Variants in UGGT1 observed in about 807,000 individuals in gnomAD.
UGGT1 encodes UDP-glucose:glycoprotein glucosyltransferase 1.
In UGGT1, 107 loss-of-function variants were observed where a neutral mutation model predicts 203.9. That is an observed-to-expected ratio of 0.52 (90% CI 0.45 to 0.62). The LOEUF (loss-of-function observed/expected upper bound fraction) is 0.62, where lower values mean the gene tolerates loss of function less well. Among genes scored for constraint, UGGT1 ranks in the 20% least tolerant of loss-of-function variants. UGGT1 has a pLI of 0.00. For missense variants in UGGT1, 1,673 were observed against 1,867.2 expected (o/e 0.90, Z 1.92); for synonymous variants, 628 against 653.5 (o/e 0.96, Z 0.59).
At chr2:128,146,374 A>C (rs1354391671) in intron 18 of UGGT1, among the ~76,000 whole-genome samples, 1 of 152,032 alleles carries the variant, frequency 6.6e-6, no homozygotes, top group African/African-American at 2.4e-5. Context: ...TGGTTTGCAA[A>C]CTCTTGGCAA....
intron 2 of UGGT1, among the ~76,000 whole-genome samples, chr2:128,101,718 G>A (rs1403958339): frequency 1.3e-5 from 2 of 152,154 alleles, no homozygotes; most frequent in African/African-American, 4.8e-5. Flanking sequence ...ATCTGAGGGT[G>A]GCTGTGTGGG....
chr2:128,120,309 G>C (rs371915431), intron 8 of UGGT1, 47 bp from the exon 9 acceptor site: 1 of 1,570,740 alleles, frequency 6.4e-7, no homozygotes, highest in Non-Finnish European at 8.7e-7. Flanking sequence ...CTTATGCTCC[G>C]GGAAAGAAAA....
rs1692260939 is a variant in UGGT1, at chr2:128,191,412, AAAC to A, written c.*1673_*1675del. Reference sequence around the variant, plus strand: ...TAATGAGTACAATGAAAACAAAACAAAACAAAAAATTAAGAAGAGGAAAGCTCA... The same window carrying A: ...TAATGAGTACAATGAAAACAAAACAAAAAAAATTAAGAAGAGGAAAGCTCA... On this transcript the variant is annotated 3_prime_UTR_variant, in exon 41 of 41. Coordinates refer to ENST00000259253, the MANE Select transcript of UGGT1 (RefSeq NM_020120.4). 1 of 152,230 alleles carries A rather than the reference AAAC, an allele frequency of 6.6e-6. No individual in the cohort carries two copies. The highest frequency in any genetic ancestry group is 2.4e-5 in the African/African-American group (1 of 41,458). The allele number at this position is 152,230 out of a possible 1,614,324, so 9.4% of individuals were successfully genotyped here.
At position 128,109,638 on chromosome 2, in the gene UGGT1, C is replaced by G. The variant is rs148193364; in HGVS notation, c.413C>G (p.Ala138Gly). 1.2e-6 allele frequency: 2 copies of G among 1,613,394 alleles called. No individual in the cohort carries two copies. The highest frequency in any genetic ancestry group is 1.7e-6 in the Non-Finnish European group (2 of 1,179,350). ...GTGTTGTGTCTTATGTGACAGATAG[C>G]AGCTGATGAACCTCCACCAGAAGGA... ...SATIQAFQQI[A>G]ADEPPPEGCN... Residue 138 changes from alanine (A) to glycine (G), a missense_variant, in exon 5 of 41, where the codon GCA becomes GGA. Physicochemically the swap from Ala to Gly is moderately conservative, Grantham distance 60 (BLOSUM62 0). This residue lies in a region of UGGT1 where 1,073 missense variants were observed against 1,078.7 expected (regional missense o/e 0.99). Transcript: ENST00000259253.
At chr2:128,156,327 T>A (rs541910693) in intron 20 of UGGT1, 65 bp from the exon 21 acceptor site, 1 of 1,265,198 alleles carries the variant, frequency 7.9e-7, no homozygotes, top group African/African-American at 1.5e-5. Flanking sequence ...TTTCAATTTT[T>A]ACAGTAGGCA....
intron 18 of UGGT1, among the ~76,000 whole-genome samples, chr2:128,150,098 A>T (rs896289754): frequency 6.6e-6 from 1 of 152,234 alleles, no homozygotes; most frequent in Non-Finnish European, 1.5e-5. Context: ...CATTGTCTTG[A>T]AAAATACCAA....
chr2:128,129,641 C>T (rs1688782945), intron 13 of UGGT1, among the ~76,000 whole-genome samples: 1 of 152,090 alleles, frequency 6.6e-6, no homozygotes. Context: ...TCAGGTGATA[C>T]ACCCACCTCT....
At chr2:128,119,863 AAAAC>A (rs1240643237) in intron 8 of UGGT1, among the ~76,000 whole-genome samples, 16 of 151,972 alleles carry the variant, frequency 1.1e-4, no homozygotes, top group South Asian at 2.1e-4. Context: ...AGAACAAAGG[AAAAC>A]AAACAAAAAA....
chr2:128,146,005 A>C (rs746592503), intron 18 of UGGT1, 38 bp downstream of exon 18: 1 of 1,611,586 alleles, frequency 6.2e-7, no homozygotes, highest in South Asian at 1.1e-5. Context: ...TAAAGAGAAC[A>C]GTTGGCTTAT....
intron 8 of UGGT1, among the ~76,000 whole-genome samples, chr2:128,119,437 G>GA (rs879873461): frequency 6.7e-4 from 92 of 136,638 alleles, no homozygotes; most frequent in Middle Eastern, 3.9e-3. Context: ...CTGTCTCAAA[G>GA]AAAAAAAAAA....
At position 128,173,337 on chromosome 2, in the gene UGGT1, T is replaced by C. The variant is rs571455058; in HGVS notation, c.3295-444T>C. ...GTTATGAATAATGCTGCTATGAATG[T>C]TGTGTGCAAGTTTTTCTACTGATAC... is the stretch of plus-strand genomic sequence containing the variant. On this transcript the variant is annotated intron_variant, in intron 29 of 40. Coordinates refer to ENST00000259253, the MANE Select transcript of UGGT1 (RefSeq NM_020120.4). 4.6e-5 allele frequency among the ~76,000 whole-genome samples: 7 copies of C among 152,372 alleles called. No individual in the cohort carries two copies. In the South Asian group the frequency reaches 1.4e-3, roughly 32 times the overall value.
At chr2:128,097,289 T>C in intron 1 of UGGT1, 140 bp from the exon 2 acceptor site, 2 of 912,926 alleles carry the variant, frequency 2.2e-6, no homozygotes, top group Non-Finnish European at 3.2e-6. Context: ...GGCAGGAGAA[T>C]CGCTTGAACC....
At chr2:128,144,946 A>G (rs1168033445) in intron 17 of UGGT1, among the ~76,000 whole-genome samples, 1 of 152,200 alleles carries the variant, frequency 6.6e-6, no homozygotes, top group African/African-American at 2.4e-5. Context: ...TTTACTCTGA[A>G]AAGTTAATCT....
intron 11 of UGGT1, among the ~76,000 whole-genome samples, chr2:128,126,448 G>A (rs1688603708): frequency 6.6e-6 from 1 of 151,834 alleles, no homozygotes; most frequent in East Asian, 1.9e-4. Context: ...CACCATGTTG[G>A]TCAGGCTGGT....
intron 5 of UGGT1, among the ~76,000 whole-genome samples, chr2:128,112,881 T>C (rs535688362): frequency 7.2e-5 from 11 of 152,310 alleles, no homozygotes; most frequent in Middle Eastern, 3.4e-3. Flanking sequence ...TAATGTACTT[T>C]TGTTATTTTT....
At chr2:128,125,087 G>C (rs373248587) in intron 11 of UGGT1, among the ~76,000 whole-genome samples, 1 of 152,132 alleles carries the variant, frequency 6.6e-6, no homozygotes, top group East Asian at 1.9e-4. Context: ...AAAAGGATCC[G>C]TCAGTCTTCT....
intron 32 of UGGT1, 105 bp from the exon 33 acceptor site, chr2:128,177,727 T>C: frequency 1.1e-6 from 1 of 899,212 alleles, no homozygotes; most frequent in Non-Finnish European, 1.7e-6. Flanking sequence ...AGAGAATTGA[T>C]TGATAATTCC....
chr2:128,170,785 A>G (rs1337551235), intron 27 of UGGT1, among the ~76,000 whole-genome samples: 1 of 152,192 alleles, frequency 6.6e-6, no homozygotes, highest in Non-Finnish European at 1.5e-5. Context: ...ACAGTGTGTT[A>G]CAATTTTAGG....
Position 128,180,955 on chromosome 2 carries a change from C to G in UGGT1, c.3966C>G (p.Pro1322=). ...ATGAGCTTGTTCAGTACAAATGGCC[C>G]CGGTGGCTTCATCAACAAACTGAAA... The part of the protein sequence containing the change: ...FQYELVQYKW[P]RWLHQQTEKQ... Residue 1322 remains proline, a synonymous_variant, in exon 36 of 41, where the codon CCC becomes CCG. Transcript: ENST00000259253. 6.2e-7 allele frequency: 1 copy of G among 1,614,100 alleles called. No individual in the cohort carries two copies. Among genetic ancestry groups the G allele is most frequent in the Non-Finnish European group, 8.5e-7 (1 of 1,180,018 alleles).
Sources: gnomAD v4.1 joint callset for allele counts (sites outside exome capture counted in the v4.1 genomes callset) on GRCh38, gnomAD v4.1.1 for gene constraint, gnomAD v4.1.1 regional missense constraint, MANE v1.5 for transcripts, NCBI Gene and HGNC (gene_info 2026-07-23, HGNC 2026-07-21) for gene names.